The following TMEM196 variants were observed in gnomAD, a reference collection of about 807,000 sequenced individuals.
TMEM196 encodes transmembrane protein 196.
Under a neutral mutation model 20.0 loss-of-function variants are expected in TMEM196, and 17 were observed. The observed-to-expected ratio is 0.85, with a 90% CI of 0.58 to 1.27. The LOEUF (loss-of-function observed/expected upper bound fraction) is 1.27, where lower values mean the gene tolerates loss of function less well. TMEM196 is among the 50% of genes most tolerant of loss of function. The pLI is 0.00. For synonymous variants in TMEM196, 113 were observed against 88.9 expected (o/e 1.27, Z -1.52); for missense variants, 267 against 223.0 (o/e 1.20, Z -1.26).
At chr7:19,768,935 C>T (rs1785748277) in intron 1 of TMEM196, among the ~76,000 whole-genome samples, 3 of 151,930 alleles carry the variant, frequency 2.0e-5, no homozygotes, top group Admixed American at 1.3e-4. Context: ...TTTCCATATT[C>T]GGGGCCAAAA....
At position 19,772,550 on chromosome 7, in the gene TMEM196, CG is replaced by C; in HGVS notation, c.146del (p.Pro49ArgfsTer21). ...AACGTACACACACCCCGCTCCATAC[CG>C]GGGACGAGTCTCCGAGCTGCGGCTT... is the stretch of plus-strand genomic sequence containing the variant. ...EHKPQLGDSS[P>X]FLLCGICGIL... On this transcript the variant is annotated frameshift_variant and splice_region_variant, in exon 1 of 5. Transcript: ENST00000405844. LOFTEE classifies it high-confidence loss of function. 6.5e-7 allele frequency: 1 copy of C among 1,541,708 alleles called. No individual in the cohort carries two copies. The highest frequency in any genetic ancestry group is 1.4e-5 in the African/African-American group (1 of 72,682).
intron 1 of TMEM196, among the ~76,000 whole-genome samples, chr7:19,733,186 C>T (rs1335335293): frequency 6.6e-6 from 1 of 152,122 alleles, no homozygotes; most frequent in East Asian, 1.9e-4. Context: ...CAATAGAAAA[C>T]TAAGATTGTG....
At chr7:19,762,690 G>A (rs1785484254) in intron 1 of TMEM196, among the ~76,000 whole-genome samples, 1 of 152,040 alleles carries the variant, frequency 6.6e-6, no homozygotes, top group South Asian at 2.1e-4. Flanking sequence ...AACTATAATA[G>A]GGTTTAAAAT....
At position 19,773,432 on chromosome 7, in the gene TMEM196, C is replaced by A. The variant is rs1785973639; in HGVS notation, c.-736G>T. Reference sequence around the variant, plus strand: ...AGCTGATTCTCTTTCATTGCTATGACCTCATTGGGGTTTAGGAGGTTGACG... The same window carrying A: ...AGCTGATTCTCTTTCATTGCTATGAACTCATTGGGGTTTAGGAGGTTGACG... On this transcript the variant is annotated 5_prime_UTR_variant, in exon 1 of 5. Coordinates refer to ENST00000405844, the MANE Select transcript of TMEM196 (RefSeq NM_001363562.2). 1 of 166,996 alleles carries A rather than the reference C, an allele frequency of 6.0e-6. No individual in the cohort carries two copies. Among genetic ancestry groups the A allele is most frequent in the African/African-American group, 2.4e-5 (1 of 41,498 alleles). The allele number at this position is 166,996 out of a possible 1,614,324, so 10.3% of individuals were successfully genotyped here. A position where few individuals can be genotyped will look rare whatever the true frequency, so the allele number is the denominator to read the frequency against.
In TMEM196 at chr7:19,759,858, C is replaced by T. The variant is rs116469375; in HGVS notation, c.147+12692G>A. Among the ~76,000 whole-genome samples the T allele has an allele frequency of 3.1e-3, 467 of 152,248 alleles. 2 individuals carry two copies. The highest frequency in any genetic ancestry group is 0.01 in the African/African-American group (434 of 41,538). ...GTGCTTCTATTTTTTACCACCTCTG[C>T]TTTCATTGCAGTAACCATTGTATCA... On this transcript the variant is annotated intron_variant, in intron 1 of 4. Transcript: ENST00000405844.
At chr7:19,749,641 T>C (rs1174444009) in intron 1 of TMEM196, among the ~76,000 whole-genome samples, 1 of 151,976 alleles carries the variant, frequency 6.6e-6, no homozygotes, top group Non-Finnish European at 1.5e-5. Context: ...ATCCATCATC[T>C]CTTTCAATGC....
intron 1 of TMEM196, among the ~76,000 whole-genome samples, chr7:19,765,653 T>A (rs897998224): frequency 1.3e-5 from 2 of 152,170 alleles, no homozygotes; most frequent in African/African-American, 4.8e-5. Context: ...ATCTTGTTAA[T>A]CTGATTGCCA....
chr7:19,736,116 T>C (rs1784390314), intron 1 of TMEM196, among the ~76,000 whole-genome samples: 1 of 151,860 alleles, frequency 6.6e-6, no homozygotes, highest in Non-Finnish European at 1.5e-5. Context: ...CACTAGTTCT[T>C]GAATAGTTTT....
chr7:19,732,168 T>C (rs1047841704), intron 1 of TMEM196, among the ~76,000 whole-genome samples: 2 of 152,228 alleles, frequency 1.3e-5, no homozygotes, highest in East Asian at 3.8e-4. Flanking sequence ...AGTTTACACG[T>C]GGGGACATGG....
At position 19,772,646 on chromosome 7, in the gene TMEM196, C is replaced by T. The variant is rs546254691; in HGVS notation, c.51G>A (p.Leu17=). ...IIGSLLVLSV[L]EIGLGVSSVA... is the part of the protein sequence containing the mutation. ...CGCTGGACACCCCCAGCCCTATCTC[C>T]AGCACGGAGAGCACCAAGAGGCTCC... is the stretch of plus-strand genomic sequence containing the variant. Residue 17 remains leucine, a synonymous_variant, in exon 1 of 5, where the codon CTG becomes CTA. Transcript: ENST00000405844. The T allele has an allele frequency of 1.0e-3, 1,605 of 1,545,318 alleles. No individual in the cohort carries two copies. The highest frequency in any genetic ancestry group is 2.1e-3 in the South Asian group (175 of 83,332).
chr7:19,757,787 T>C (rs1785276585), intron 1 of TMEM196, among the ~76,000 whole-genome samples: 1 of 152,120 alleles, frequency 6.6e-6, no homozygotes, highest in South Asian at 2.1e-4. Flanking sequence ...TTATATGATA[T>C]TTTAGTTTCT....
At chr7:19,770,709 T>A (rs1458644701) in intron 1 of TMEM196, among the ~76,000 whole-genome samples, 1 of 152,230 alleles carries the variant, frequency 6.6e-6, no homozygotes, top group Non-Finnish European at 1.5e-5. Context: ...TTTCTTATAG[T>A]GACTATGTAG....
intron 2 of TMEM196, among the ~76,000 whole-genome samples, chr7:19,728,467 G>T (rs1784076048): frequency 6.6e-6 from 1 of 152,012 alleles, no homozygotes; most frequent in Admixed American, 6.6e-5. Flanking sequence ...AAGCAGTGAG[G>T]GCTTTAGCCT....
chr7:19,749,212 A>G (rs531982685), intron 1 of TMEM196, among the ~76,000 whole-genome samples: 1 of 152,350 alleles, frequency 6.6e-6, no homozygotes, highest in East Asian at 1.9e-4. Context: ...TATGAACAAG[A>G]TAAAAATAAA....
chr7:19,765,029 T>C (rs928050486), intron 1 of TMEM196, among the ~76,000 whole-genome samples: 1 of 152,186 alleles, frequency 6.6e-6, no homozygotes, highest in African/African-American at 2.4e-5. Flanking sequence ...GCTGATTAAA[T>C]AACAGTGGAT....
intron 1 of TMEM196, among the ~76,000 whole-genome samples, chr7:19,765,068 T>C (rs1329397897): frequency 1.3e-5 from 2 of 152,198 alleles, no homozygotes; most frequent in Non-Finnish European, 2.9e-5. Flanking sequence ...AAGTTCCTTT[T>C]TCTACTTAAA....
rs545151056 is a variant in TMEM196 at position 19,723,730 on chromosome 7, CTTTG to C, written c.533+546_533+549del. ...ATGTGACTTTCTGTCTGTCCAATTACTTTGTTTGAGCAAACCAAGAACCATTACT... is the reference window on the plus strand; with the variant it reads ...ATGTGACTTTCTGTCTGTCCAATTACTTTGAGCAAACCAAGAACCATTACT... On this transcript the variant is annotated intron_variant, in intron 4 of 4. Coordinates refer to ENST00000405844, the MANE Select transcript of TMEM196 (RefSeq NM_001363562.2). Among the ~76,000 whole-genome samples, 557 of 152,250 alleles carry C rather than the reference CTTTG, an allele frequency of 3.7e-3. 1 individual carries two copies. The highest frequency in any genetic ancestry group is 5.8e-3 in the Non-Finnish European group (397 of 68,008).
intron 1 of TMEM196, among the ~76,000 whole-genome samples, chr7:19,737,222 ATTGT>A (rs923359604): frequency 6.6e-6 from 1 of 152,048 alleles, no homozygotes; most frequent in East Asian, 1.9e-4. Context: ...GATAGTCAAC[ATTGT>A]TTGTCATTAA....
At chr7:19,770,289 G>T (rs1232308107) in intron 1 of TMEM196, among the ~76,000 whole-genome samples, 1 of 151,902 alleles carries the variant, frequency 6.6e-6, no homozygotes, top group African/African-American at 2.4e-5. Context: ...GTTTTTTTAA[G>T]ACAGTGCTCT....
Sources: gnomAD v4.1 joint callset for allele counts (sites outside exome capture counted in the v4.1 genomes callset) on GRCh38, gnomAD v4.1.1 for gene constraint, MANE v1.5 for transcripts, NCBI Gene and HGNC (gene_info 2026-07-23, HGNC 2026-07-21) for gene names.